PHTF2: variants seen among roughly 807,000 people sequenced by gnomAD.
PHTF2 encodes protein PHTF2.
PHTF2 carries 60 observed loss-of-function variants against 101.2 expected under a neutral mutation model. That is an observed-to-expected ratio of 0.59 (90% CI 0.48 to 0.73). The LOEUF (loss-of-function observed/expected upper bound fraction) is 0.73. Among genes scored for constraint, PHTF2 ranks in the 30% least tolerant of loss-of-function variants. The pLI is 0.00. For missense variants in PHTF2, 747 were observed against 908.7 expected, an observed-to-expected ratio of 0.82 and a Z score of 2.29; for synonymous variants, 311 against 307.3, an observed-to-expected ratio of 1.01 and a Z score of -0.13.
chr7:77,800,490 G>C (rs940405603), intron 1 of PHTF2, among the ~76,000 whole-genome samples: 5 of 152,188 alleles, frequency 3.3e-5, no homozygotes, highest in Non-Finnish European at 7.3e-5. Flanking sequence ...GCATGAAAAT[G>C]TGGTGAGTAA....
chr7:77,829,838 T>G (rs1330720635), intron 1 of PHTF2, among the ~76,000 whole-genome samples: 3 of 152,236 alleles, frequency 2.0e-5, no homozygotes, highest in African/African-American at 7.2e-5. Flanking sequence ...TAAAACCTTT[T>G]AAATCTTAAT....
rs1804352128 is a variant in PHTF2 at position 77,929,339 on chromosome 7, G to A, written c.1338+12G>A. 6.9e-7 allele frequency: 1 copy of A among 1,458,150 alleles called. No individual in the cohort carries two copies. Among genetic ancestry groups the A allele is most frequent in the Admixed American group, 1.7e-5 (1 of 57,972 alleles). The allele number at this position is 1,458,150 out of a possible 1,614,324, so 90.3% of individuals were successfully genotyped here. ...ACCCTTTTCATCAGGTTGGTTTATGGTTTTGGCTTATGTGGAGCTATGAGT... is the reference window on the plus strand; with the variant it reads ...ACCCTTTTCATCAGGTTGGTTTATGATTTTGGCTTATGTGGAGCTATGAGT... On this transcript the variant is annotated intron_variant, in intron 12 of 19. Transcript: ENST00000416283.
At chr7:77,847,594 T>C (rs1022186331) in intron 2 of PHTF2, among the ~76,000 whole-genome samples, 2 of 152,222 alleles carry the variant, frequency 1.3e-5, no homozygotes, top group African/African-American at 4.8e-5. Context: ...TATAGGTACA[T>C]AGTAGGTTTA....
At chr7:77,901,138 G>A (rs1360450121) in intron 6 of PHTF2, among the ~76,000 whole-genome samples, 1 of 152,194 alleles carries the variant, frequency 6.6e-6, no homozygotes, top group Non-Finnish European at 1.5e-5. Context: ...ACAGCCTCAA[G>A]CCATGAGGGC....
rs993727527 is a variant in PHTF2, at chr7:77,946,873, G to C, written c.1960-2805G>C. On this transcript the variant is annotated intron_variant, in intron 16 of 19. Coordinates refer to ENST00000416283, the Ensembl canonical transcript of PHTF2. ...ACAGTGACTCATGGTTATAATCTTA[G>C]CACTTTGGAAGGCCAAGGTGGATGG... 4.2e-4 allele frequency among the ~76,000 whole-genome samples: 64 copies of C among 151,652 alleles called. 1 individual carries two copies. Among genetic ancestry groups the C allele is most frequent in the Admixed American group, 4.1e-3 (63 of 15,208 alleles).
At chr7:77,814,023 C>T (rs1028385741) in intron 1 of PHTF2, among the ~76,000 whole-genome samples, 8 of 152,138 alleles carry the variant, frequency 5.3e-5, no homozygotes, top group Non-Finnish European at 1.0e-4. Flanking sequence ...GCCACATACC[C>T]TAATTTTAAA....
At chr7:77,833,307 G>A (rs1795206443) in intron 1 of PHTF2, among the ~76,000 whole-genome samples, 1 of 152,156 alleles carries the variant, frequency 6.6e-6, no homozygotes, top group African/African-American at 2.4e-5. Flanking sequence ...CATATGAGAA[G>A]ATGATGAGCA....
chr7:77,816,311 G>A lies in PHTF2; in HGVS notation c.-36+17340G>A, dbSNP rs551287060. Among the ~76,000 whole-genome samples the A allele has an allele frequency of 1.1e-4, 17 of 152,282 alleles. No homozygotes were observed. The East Asian group carries it at 2.3e-3, about 21-fold the overall frequency. ...GCTGGTCTCAAACTCCTGACCTCAA[G>A]TGATCTGCCTGCCTCGGCCTCCCAA... is the stretch of plus-strand genomic sequence containing the variant. On this transcript the variant is annotated intron_variant, in intron 1 of 19. Transcript: ENST00000416283.
chr7:77,854,909 C>T (rs1202862590), intron 3 of PHTF2: 9 of 670,394 alleles, frequency 1.3e-5, no homozygotes, highest in Non-Finnish European at 2.5e-5. Context: ...TCCAGAAATG[C>T]TGACCAGGAC....
At chr7:77,812,901 A>G (rs1340012743) in intron 1 of PHTF2, among the ~76,000 whole-genome samples, 1 of 152,162 alleles carries the variant, frequency 6.6e-6, no homozygotes, top group Admixed American at 6.6e-5. Flanking sequence ...TAATGTGTAC[A>G]TAATCTTCTA....
intron 9 of PHTF2, among the ~76,000 whole-genome samples, chr7:77,915,735 C>T (rs954331802): frequency 6.6e-6 from 1 of 152,072 alleles, no homozygotes; most frequent in African/African-American, 2.4e-5. Flanking sequence ...AGGGTTTTTT[C>T]CTTGCCAAGG....
chr7:77,849,000 G>A (rs1026793289), intron 2 of PHTF2, among the ~76,000 whole-genome samples: 3 of 152,112 alleles, frequency 2.0e-5, no homozygotes, highest in African/African-American at 7.2e-5. Flanking sequence ...CCATCGTGAT[G>A]TTCTTGGTAC....
chr7:77,908,942 G>C lies in PHTF2; in HGVS notation c.595G>C (p.Gly199Arg), dbSNP rs904639352. Residue 199 changes from glycine to arginine, a missense_variant, in exon 8 of 20, where the codon GGG (glycine) becomes CGG (arginine). Physicochemically the swap from Gly to Arg is moderately radical, Grantham distance 125. Transcript: ENST00000416283. ...AACACCCAAACCTCCTCTAAGTACA[G>C]GGGGTAAAAGAAGAAGGTACTGTTT... 2.5e-6 allele frequency: 4 copies of C among 1,597,962 alleles called. No homozygotes were observed. In the South Asian group the frequency reaches 3.4e-5, roughly 14 times the overall value.
intron 11 of PHTF2, among the ~76,000 whole-genome samples, chr7:77,928,020 T>C (rs1804218093): frequency 6.6e-6 from 1 of 152,142 alleles, no homozygotes; most frequent in Admixed American, 6.5e-5. Context: ...GGAAGGTTAA[T>C]CTGGAAAGAA....
chr7:77,803,475 A>G (rs1470125324), intron 1 of PHTF2, among the ~76,000 whole-genome samples: 1 of 152,236 alleles, frequency 6.6e-6, no homozygotes, highest in East Asian at 1.9e-4. Flanking sequence ...CCTAGGTTCA[A>G]GTCCTGATAC....
At chr7:77,812,422 A>ATT (rs1004856493) in intron 1 of PHTF2, among the ~76,000 whole-genome samples, 3 of 152,132 alleles carry the variant, frequency 2.0e-5, no homozygotes, top group Admixed American at 2.0e-4. Flanking sequence ...AAGCTTGCTT[A>ATT]TTTTTACATA....
At chr7:77,842,357 C>G (rs1223716157) in intron 2 of PHTF2, among the ~76,000 whole-genome samples, 1 of 152,164 alleles carries the variant, frequency 6.6e-6, no homozygotes, top group Admixed American at 6.5e-5. Context: ...GCATGTGCCA[C>G]TATGCCCAGC....
chr7:77,887,425 TG>T (rs200959968), intron 3 of PHTF2, among the ~76,000 whole-genome samples: 88 of 151,996 alleles, frequency 5.8e-4, no homozygotes, highest in African/African-American at 1.9e-3. Context: ...TTATTGTTGT[TG>T]TTTTTTTTTA....
At chr7:77,938,590 G>A (rs1447584473) in intron 13 of PHTF2, among the ~76,000 whole-genome samples, 2 of 148,740 alleles carry the variant, frequency 1.3e-5, no homozygotes, top group African/African-American at 4.9e-5. Context: ...AATTAGCCAG[G>A]CGTGGTGAAA....
Sources: gnomAD v4.1 joint callset for allele counts (sites outside exome capture counted in the v4.1 genomes callset) on GRCh38, gnomAD v4.1.1 for gene constraint, MANE v1.5 for transcripts, NCBI Gene and HGNC (gene_info 2026-07-23, HGNC 2026-07-21) for gene names.